The following FBXL7 variants were observed in gnomAD, a reference collection of about 807,000 sequenced individuals.
FBXL7 encodes the protein F-box/LRR-repeat protein 7.
Under a neutral mutation model 38.3 loss-of-function variants are expected in FBXL7, and 12 were observed. That is an observed-to-expected ratio of 0.31 (90% confidence interval 0.20 to 0.51). The LOEUF (loss-of-function observed/expected upper bound fraction) is 0.51. FBXL7 is among the 20% of genes least tolerant of loss of function. The pLI is 0.98. For synonymous variants in FBXL7, 297 were observed against 300.9 expected, an observed-to-expected ratio of 0.99 and a Z score of 0.13; for missense variants, 567 against 676.4, an observed-to-expected ratio of 0.84 and a Z score of 1.79.
rs569977924 is a variant in FBXL7, at chr5:15,752,177, G to A, written c.127+136105G>A. Among the ~76,000 whole-genome samples the A allele has an allele frequency of 1.1e-3, 162 of 152,196 alleles. 1 individual carries two copies. Among genetic ancestry groups the A allele is most frequent in the African/African-American group, 3.7e-3 (154 of 41,510 alleles). ...AATAAAATTGCAGGGGGCTAGGAGG[G>A]ATAACATTAGGAGAAATAACTAATG... On this transcript the variant is annotated intron_variant, in intron 2 of 3. Coordinates refer to ENST00000504595, the MANE Select transcript of FBXL7 (RefSeq NM_012304.5).
intron 2 of FBXL7, among the ~76,000 whole-genome samples, chr5:15,781,591 T>G (rs980123723): frequency 3.9e-5 from 6 of 152,158 alleles, no homozygotes; most frequent in African/African-American, 1.2e-4. Flanking sequence ...ATCTGGAGAT[T>G]TCTTTAGAAG....
intron 2 of FBXL7, among the ~76,000 whole-genome samples, chr5:15,617,482 A>C (rs1196417715): frequency 1.3e-5 from 2 of 149,566 alleles, no homozygotes; most frequent in African/African-American, 4.9e-5. Flanking sequence ...TTTGAGATGG[A>C]GTCTCACTCT....
At chr5:15,759,456 A>G (rs1736385232) in intron 2 of FBXL7, among the ~76,000 whole-genome samples, 1 of 152,170 alleles carries the variant, frequency 6.6e-6, no homozygotes, top group Admixed American at 6.6e-5. Context: ...CTGCCTTTGA[A>G]ATAACTTAGT....
At position 15,650,134 on chromosome 5, in the gene FBXL7, C is replaced by T. The variant is rs145145829; in HGVS notation, c.127+34062C>T. 2.6e-5 allele frequency among the ~76,000 whole-genome samples: 4 copies of T among 152,298 alleles called. No homozygotes were observed. The East Asian group carries it at 5.8e-4, about 22-fold the overall frequency. ...GGATTTTAACTGAGCCACAGACCAA[C>T]ATCTCAACCTCCTGCTTCACGCACA... On this transcript the variant is annotated intron_variant, in intron 2 of 3. Transcript: ENST00000504595.
chr5:15,726,298 G>A (rs1403562839), intron 2 of FBXL7, among the ~76,000 whole-genome samples: 2 of 152,052 alleles, frequency 1.3e-5, no homozygotes, highest in African/African-American at 2.4e-5. Flanking sequence ...CATGGCTATT[G>A]TCCCAGCTAC....
intron 2 of FBXL7, among the ~76,000 whole-genome samples, chr5:15,815,948 C>T (rs1738002239): frequency 6.6e-6 from 1 of 152,114 alleles, no homozygotes; most frequent in Admixed American, 6.6e-5. Flanking sequence ...CAACGTGATG[C>T]AAAATTTCCA....
At chr5:15,859,937 G>C (rs888747105) in intron 2 of FBXL7, among the ~76,000 whole-genome samples, 6 of 152,182 alleles carry the variant, frequency 3.9e-5, no homozygotes, top group African/African-American at 1.4e-4. Context: ...ACTCAGGCTT[G>C]ACTCATAAGT....
At chr5:15,507,291 A>G (rs1367969317) in intron 1 of FBXL7, among the ~76,000 whole-genome samples, 4 of 152,204 alleles carry the variant, frequency 2.6e-5, no homozygotes, top group African/African-American at 4.8e-5. Flanking sequence ...AAATAAAAGC[A>G]TTAGTGCAGC....
At chr5:15,897,889 AAGAGT>A (rs1288081169) in intron 2 of FBXL7, among the ~76,000 whole-genome samples, 33 of 152,238 alleles carry the variant, frequency 2.2e-4, no homozygotes, top group African/African-American at 7.7e-4. Flanking sequence ...AGAGTTGGAA[AAGAGT>A]AGAAGGTGTG....
intron 1 of FBXL7, among the ~76,000 whole-genome samples, chr5:15,562,165 A>T (rs1437863656): frequency 6.6e-6 from 1 of 152,156 alleles, no homozygotes; most frequent in Admixed American, 6.6e-5. Context: ...CATTCTTAGA[A>T]TAAAATATAG....
At chr5:15,658,445 G>C (rs1046651144) in intron 2 of FBXL7, among the ~76,000 whole-genome samples, 11 of 152,120 alleles carry the variant, frequency 7.2e-5, no homozygotes, top group African/African-American at 2.7e-4. Context: ...CCCCCATCGT[G>C]TTCTCATGAT....
intron 2 of FBXL7, among the ~76,000 whole-genome samples, chr5:15,763,622 C>T (rs907397593): frequency 6.6e-6 from 1 of 152,160 alleles, no homozygotes; most frequent in Non-Finnish European, 1.5e-5. Context: ...GATTTTCTTT[C>T]TCTACATCAG....
At chr5:15,745,430 T>C (rs577453231) in intron 2 of FBXL7, among the ~76,000 whole-genome samples, 24 of 152,342 alleles carry the variant, frequency 1.6e-4, no homozygotes, top group Admixed American at 1.1e-3. Context: ...ATTCATGCTC[T>C]CATGGACTTT....
intron 1 of FBXL7, among the ~76,000 whole-genome samples, chr5:15,530,531 A>G (rs10462596): frequency 0.26 from 39,953 of 152,056 alleles, 5,691 homozygotes; most frequent in Middle Eastern, 0.36. Flanking sequence ...TTCCCAGATA[A>G]GTAGATATGT....
intron 2 of FBXL7, among the ~76,000 whole-genome samples, chr5:15,632,715 G>A (rs1741040944): frequency 6.6e-6 from 1 of 152,132 alleles, no homozygotes; most frequent in South Asian, 2.1e-4. Flanking sequence ...TATGTCCTTT[G>A]CAGTAACATG....
chr5:15,591,635 A>G (rs1561041839), intron 1 of FBXL7, among the ~76,000 whole-genome samples: 1 of 152,282 alleles, frequency 6.6e-6, no homozygotes, highest in East Asian at 1.9e-4. Context: ...AGGAGCTCAA[A>G]TAACATCAGT....
intron 2 of FBXL7, among the ~76,000 whole-genome samples, chr5:15,898,764 G>A (rs1463747912): frequency 6.6e-6 from 1 of 152,174 alleles, no homozygotes; most frequent in Non-Finnish European, 1.5e-5. Context: ...GCAGCTCAGA[G>A]CTGTGTTATG....
At chr5:15,532,746 C>G (rs1278724768) in intron 1 of FBXL7, among the ~76,000 whole-genome samples, 3 of 152,214 alleles carry the variant, frequency 2.0e-5, no homozygotes, top group African/African-American at 7.2e-5. Flanking sequence ...GCTTCCATGA[C>G]TTTTAAGGAG....
intron 1 of FBXL7, among the ~76,000 whole-genome samples, chr5:15,593,043 TAG>T (rs1739527491): frequency 6.6e-6 from 1 of 152,220 alleles, no homozygotes; most frequent in African/African-American, 2.4e-5. Flanking sequence ...ATTCTCCTGA[TAG>T]AGTACCAGTC....
Sources: allele counts gnomAD v4.1 joint callset (sites outside exome capture counted in the v4.1 genomes callset), GRCh38; gene constraint gnomAD v4.1.1; transcripts MANE v1.5; gene names NCBI Gene and HGNC (gene_info 2026-07-23, HGNC 2026-07-21).